The following SANBR variants were observed in gnomAD, a reference collection of about 807,000 sequenced individuals.
SANBR encodes SANT and BTB domain regulator of CSR.
SANBR carries 77 observed loss-of-function variants against 101.8 expected under a neutral mutation model. That is an observed-to-expected ratio of 0.76 (90% CI 0.63 to 0.91). The LOEUF (loss-of-function observed/expected upper bound fraction) is 0.91. SANBR is among the 40% of genes least tolerant of loss of function. The pLI, the probability that SANBR is intolerant of heterozygous loss-of-function variation, is 0.00. For synonymous variants in SANBR, 279 were observed against 274.7 expected, an observed-to-expected ratio of 1.02 and a Z score of -0.15; for missense variants, 875 against 853.0, an observed-to-expected ratio of 1.03 and a Z score of -0.32.
At chr2:61,100,477 G>T (rs1318793746) in intron 12 of SANBR, among the ~76,000 whole-genome samples, 1 of 152,078 alleles carries the variant, frequency 6.6e-6, no homozygotes, top group Non-Finnish European at 1.5e-5. Context: ...AGAGGTTGAT[G>T]GTATAAGGTG....
rs1009044563 is a variant in SANBR at position 61,094,353 on chromosome 2, G to A, written c.1212+1766G>A. Among the ~76,000 whole-genome samples, 10 of 152,244 alleles carry A rather than the reference G, an allele frequency of 6.6e-5. No homozygotes were observed. The East Asian group carries it at 1.5e-3, about 23-fold the overall frequency. On this transcript the variant is annotated intron_variant, in intron 11 of 21. Transcript: ENST00000402291. ...TATATAGTTTTGCCTTTTCCAGAACGTCATATAAATAGGATCATATAGCAT... is the reference window on the plus strand; with the variant it reads ...TATATAGTTTTGCCTTTTCCAGAACATCATATAAATAGGATCATATAGCAT...
In SANBR at chr2:61,088,471, G is replaced by C. The variant is rs116669111; in HGVS notation, c.1088+3G>C. On this transcript the variant is annotated splice_donor_region_variant and intron_variant, in intron 10 of 21. Coordinates refer to ENST00000402291, the MANE Select transcript of SANBR (RefSeq NM_001129993.3). ...AATATTGTCTATATTCACATAAGGT[G>C]TCGTGAAGATAAAATACATACATGT... 8.4e-4 allele frequency: 1,330 copies of C among 1,575,622 alleles called. 16 individuals carry two copies. In the African/African-American group the frequency reaches 0.017, roughly 20 times the overall value.
chr2:61,081,154 T>C (rs1432907012), intron 6 of SANBR, among the ~76,000 whole-genome samples: 5 of 152,154 alleles, frequency 3.3e-5, no homozygotes, highest in Admixed American at 3.3e-4. Flanking sequence ...AATTATAGTC[T>C]CAATTATCTT....
At chr2:61,124,806 C>T (rs1254523146), downstream of SANBR, among the ~76,000 whole-genome samples, 1 of 152,008 alleles carries the variant, frequency 6.6e-6, no homozygotes, top group Non-Finnish European at 1.5e-5. Context: ...GATAACAATG[C>T]TGATTGTACA....
At position 61,070,462 on chromosome 2, in the gene SANBR, A is replaced by T; in HGVS notation, c.112A>T (p.Thr38Ser). The T allele has an allele frequency of 6.2e-7, 1 of 1,603,480 alleles. No homozygotes were observed. The highest frequency in any genetic ancestry group is 8.5e-7 in the Non-Finnish European group (1 of 1,176,052). The change falls in exon 3 of 22, where the codon ACT (threonine) becomes TCT (serine). Residue 38 changes from threonine (T) to serine (S), a missense_variant. Physicochemically the swap from Thr to Ser is moderately conservative, Grantham distance 58. Coordinates refer to ENST00000402291, the MANE Select transcript of SANBR (RefSeq NM_001129993.3). ...AATCCCTCAGACTATCAACTGGGAA[A>T]CTATAGCAAGGCTCGTGCCTGGATT... ...IGIPQTINWETIARLVPGLTP... is the reference protein window; with the variant it reads ...IGIPQTINWESIARLVPGLTP...
intron 12 of SANBR, among the ~76,000 whole-genome samples, chr2:61,099,586 G>A (rs1356286295): frequency 2.0e-5 from 3 of 152,162 alleles, no homozygotes; most frequent in Non-Finnish European, 4.4e-5. Flanking sequence ...CCAGGCAGAG[G>A]CCGTTAGATA....
At chr2:61,133,025 G>A (rs1164973451) in intron 20 of SANBR, among the ~76,000 whole-genome samples, 4 of 152,186 alleles carry the variant, frequency 2.6e-5, no homozygotes, top group Non-Finnish European at 4.4e-5. Context: ...GCCAAGGCGG[G>A]TGGATCACTT....
chr2:61,105,078 A>T (rs1035801233), intron 13 of SANBR, among the ~76,000 whole-genome samples: 63 of 141,598 alleles, frequency 4.4e-4, no homozygotes, highest in East Asian at 2.4e-3. Context: ...GCTGGAGGAC[A>T]CTTTAAAAGA....
rs553429194 is a variant in SANBR, at chr2:61,086,970, CAGGT to C, written c.891-1185_891-1182del. ...GACATTACACAAGGAAAGATGGAGACAGGTAGGATATACATTTAGAATTAAAGAC... is the reference window on the plus strand; with the variant it reads ...GACATTACACAAGGAAAGATGGAGACAGGATATACATTTAGAATTAAAGAC... On this transcript the variant is annotated intron_variant, in intron 8 of 21. Coordinates refer to ENST00000402291, the MANE Select transcript of SANBR (RefSeq NM_001129993.3). 1.5e-4 allele frequency among the ~76,000 whole-genome samples: 23 copies of C among 152,182 alleles called. No homozygotes were observed. In the East Asian group the frequency reaches 4.4e-3, roughly 29 times the overall value.
chr2:61,125,956 G>C (rs1410153386), downstream of SANBR, among the ~76,000 whole-genome samples: 1 of 152,150 alleles, frequency 6.6e-6, no homozygotes, highest in Non-Finnish European at 1.5e-5. Context: ...TTTTCTCTTA[G>C]AGGCCTCCTG....
intron 6 of SANBR, 56 bp from the exon 7 acceptor site, chr2:61,081,396 T>G: frequency 6.6e-7 from 1 of 1,522,102 alleles, no homozygotes; most frequent in Non-Finnish European, 8.9e-7. Context: ...AGGAGCCTGT[T>G]CAGAGGAGAT....
At chr2:61,092,257 G>A (rs745940428) in intron 10 of SANBR, among the ~76,000 whole-genome samples, 1 of 152,176 alleles carries the variant, frequency 6.6e-6, no homozygotes, top group East Asian at 1.9e-4. Flanking sequence ...GGTGGCACAC[G>A]CCTATAATCC....
chr2:61,076,849 T>C, intron 5 of SANBR, 71 bp from the exon 6 acceptor site: 1 of 1,072,006 alleles, frequency 9.3e-7, no homozygotes. Context: ...TTCCCTTCAC[T>C]AAATGTCAGT....
In SANBR at chr2:61,095,354, C is replaced by T. The variant is rs141002565; in HGVS notation, c.1213-2346C>T. On this transcript the variant is annotated intron_variant, in intron 11 of 21. Coordinates refer to ENST00000402291, the MANE Select transcript of SANBR (RefSeq NM_001129993.3). ...ATGCAGAATATTGTATATAAGAGAA[C>T]GTGCACCTTATAGTTTTTATAGGTT... 4.5e-3 allele frequency among the ~76,000 whole-genome samples: 691 copies of T among 152,216 alleles called. 2 individuals carry two copies. The highest frequency in any genetic ancestry group is 6.6e-3 in the Non-Finnish European group (450 of 68,012).
At chr2:61,131,145 A>G (rs984719509) in intron 20 of SANBR, among the ~76,000 whole-genome samples, 9 of 152,120 alleles carry the variant, frequency 5.9e-5, no homozygotes, top group Non-Finnish European at 1.5e-5. Context: ...GATCAGGAAC[A>G]AGACAAGCCC....
chr2:61,069,276 T>C (rs946176252), intron 2 of SANBR, among the ~76,000 whole-genome samples: 8 of 152,354 alleles, frequency 5.3e-5, no homozygotes, highest in African/African-American at 1.4e-4. Context: ...GAGATACTTA[T>C]ATCATCTTCA....
At chr2:61,088,036 A>G (rs1408109464) in intron 8 of SANBR, 123 bp from the exon 9 acceptor site, 2 of 541,296 alleles carry the variant, frequency 3.7e-6, no homozygotes, top group Non-Finnish European at 6.5e-6. Flanking sequence ...TGTATTATAA[A>G]CTCCCAAGAG....
At chr2:61,094,636 TTC>T (rs1377669276) in intron 11 of SANBR, among the ~76,000 whole-genome samples, 2 of 141,450 alleles carry the variant, frequency 1.4e-5, no homozygotes, top group Non-Finnish European at 3.1e-5. Context: ...TTTATTTCTC[TTC>T]TTTTTTTTTT....
At chr2:61,070,608 G>A (rs76214607) in intron 3 of SANBR, 108 bp downstream of exon 3, 22,387 of 937,960 alleles carry the variant, frequency 0.024, 376 homozygotes, top group Middle Eastern at 0.034. Flanking sequence ...ATATTCAAAT[G>A]CATGTATTAA....
Sources: gnomAD v4.1 joint callset for allele counts (sites outside exome capture counted in the v4.1 genomes callset) on GRCh38, gnomAD v4.1.1 for gene constraint, MANE v1.5 for transcripts, NCBI Gene and HGNC (gene_info 2026-07-23, HGNC 2026-07-21) for gene names.